PEF1: variants seen among roughly 807,000 people sequenced by gnomAD.
PEF1 encodes the protein peflin.
Under a neutral mutation model 32.0 loss-of-function variants are expected in PEF1, and 17 were observed. The observed-to-expected ratio is 0.53, with a 90% CI of 0.36 to 0.80. The LOEUF (loss-of-function observed/expected upper bound fraction) is 0.80, where lower values mean the gene tolerates loss of function less well. PEF1 is among the 30% of genes least tolerant of loss of function. The probability of loss-of-function intolerance (pLI) is 0.00; values close to 1 mark genes in which losing one functional copy is unlikely to be tolerated. For synonymous variants in PEF1, 130 were observed against 139.8 expected (o/e 0.93, Z 0.50); for missense variants, 362 against 369.1 (o/e 0.98, Z 0.16).
intron 1 of PEF1, 195 bp downstream of exon 1, chr1:31,644,645 CG>C: frequency 6.9e-7 from 1 of 1,441,908 alleles, no homozygotes; most frequent in African/African-American, 1.4e-5. Context: ...GACACGACCT[CG>C]CGAATGTGCG....
Position 31,635,457 on chromosome 1 carries a change from G to T in PEF1, c.90C>A (p.Pro30=), listed in dbSNP as rs753802931. The T allele has an allele frequency of 1.3e-6, 2 of 1,592,480 alleles. No homozygotes were observed. The highest frequency in any genetic ancestry group is 1.7e-6 in the Non-Finnish European group (2 of 1,167,400). The change falls in exon 2 of 5, where the codon CCC becomes CCA. Residue 30 remains proline, a synonymous_variant. Coordinates refer to ENST00000373703, the MANE Select transcript of PEF1 (RefSeq NM_012392.4). ...CACTACCATACTGCCCTCCACTATT[G>T]GGGGGTCCAGGGTAGTAGCTACCCG... The part of the protein sequence containing the change: ...APPGSYYPGP[P]NSGGQYGSGL...
At chr1:31,640,734 C>G (rs1441425282) in intron 1 of PEF1, among the ~76,000 whole-genome samples, 1 of 152,172 alleles carries the variant, frequency 6.6e-6, no homozygotes, top group Admixed American at 6.5e-5. Context: ...CTTACCTCCT[C>G]CCAAATAACC....
In PEF1 at chr1:31,633,299, T is replaced by A; in HGVS notation, c.341A>T (p.Asn114Ile). The stretch of plus-strand genomic sequence containing the variant: ...CCAGGAGTAGGCCTCAGGATCCACA[T>A]TGGGAGGGGCGCCACCTGGAGGAAG... ...GLYGQGGAPP[N>I]VDPEAYSWFQ... The change falls in exon 3 of 5, where the codon AAT (asparagine) becomes ATT (isoleucine). Residue 114 changes from asparagine to isoleucine, a missense_variant. Coordinates refer to ENST00000373703, the MANE Select transcript of PEF1 (RefSeq NM_012392.4). 1 of 1,612,200 alleles carries A rather than the reference T, an allele frequency of 6.2e-7. No individual in the cohort carries two copies.
At chr1:31,640,066 G>A (rs1357224060) in intron 1 of PEF1, among the ~76,000 whole-genome samples, 1 of 152,190 alleles carries the variant, frequency 6.6e-6, no homozygotes, top group Non-Finnish European at 1.5e-5. Context: ...CAGGTGGAGG[G>A]GAAGGACAGG....
chr1:31,644,207 G>T lies in PEF1; in HGVS notation c.24+634C>A, dbSNP rs185556183. ...AGAATCACCTTGCTGCGGTATTCCTGACTGAATCAAGATACGCTGGGGAAG... is the reference window on the plus strand; with the variant it reads ...AGAATCACCTTGCTGCGGTATTCCTTACTGAATCAAGATACGCTGGGGAAG... On this transcript the variant is annotated intron_variant, in intron 1 of 4. Coordinates refer to ENST00000373703, the MANE Select transcript of PEF1 (RefSeq NM_012392.4). 22 of 200,516 alleles carry T rather than the reference G, an allele frequency of 1.1e-4. No homozygotes were observed. The East Asian group carries it at 4.1e-3, about 37-fold the overall frequency. 12.4% of individuals were successfully genotyped at this position (200,516 alleles called of 1,614,324 possible). A position where few individuals can be genotyped will look rare whatever the true frequency, so the allele number is the denominator to read the frequency against.
chr1:31,631,767 T>C (rs1409516599), intron 4 of PEF1, among the ~76,000 whole-genome samples: 2 of 152,204 alleles, frequency 1.3e-5, no homozygotes, highest in Non-Finnish European at 2.9e-5. Flanking sequence ...GTGATTACTA[T>C]AGGTCATCTC....
rs1304995947 is a variant in PEF1 at position 31,630,372 on chromosome 1, A to G, written c.*241T>C. 3.9e-5 allele frequency: 21 copies of G among 535,338 alleles called. No homozygotes were observed. The highest frequency in any genetic ancestry group is 5.1e-4 in the Middle Eastern group (1 of 1,966). The allele number at this position is 535,338 out of a possible 1,614,324, so 33.2% of individuals were successfully genotyped here. ...TGCCACTCAACTGCTCATGGCCATC[A>G]GGACATTCAACTTCTATCCTCTCCT... On this transcript the variant is annotated 3_prime_UTR_variant, in exon 5 of 5. Coordinates refer to ENST00000373703, the MANE Select transcript of PEF1 (RefSeq NM_012392.4).
intron 1 of PEF1, among the ~76,000 whole-genome samples, chr1:31,638,543 G>C (rs911235253): frequency 6.6e-6 from 1 of 152,158 alleles, no homozygotes; most frequent in Non-Finnish European, 1.5e-5. Flanking sequence ...CTGGCACCTA[G>C]GAAAACCCAC....
chr1:31,639,330 A>G (rs1640335438), intron 1 of PEF1, among the ~76,000 whole-genome samples: 1 of 152,200 alleles, frequency 6.6e-6, no homozygotes, highest in African/African-American at 2.4e-5. Context: ...GTGAGGTATC[A>G]GTGTCTAAGA....
At chr1:31,632,456 G>A in intron 4 of PEF1, 39 bp downstream of exon 4, 1 of 1,614,166 alleles carries the variant, frequency 6.2e-7, no homozygotes, top group Non-Finnish European at 8.5e-7. Flanking sequence ...GAAGAGTCTA[G>A]CTCTGTCCTG....
intron 2 of PEF1, 199 bp downstream of exon 2, chr1:31,635,023 T>C (rs567876622): frequency 7.7e-5 from 59 of 767,792 alleles, no homozygotes; most frequent in African/African-American, 7.4e-4. Context: ...AAAGTAAGCA[T>C]GAGCAAGCAA....
chr1:31,643,133 C>T (rs1014080356), intron 1 of PEF1, among the ~76,000 whole-genome samples: 2 of 152,202 alleles, frequency 1.3e-5, no homozygotes, highest in African/African-American at 4.8e-5. Flanking sequence ...TTTTTTCAGC[C>T]TGTGTTCCTC....
chr1:31,644,438 C>G, intron 1 of PEF1: 1 of 1,121,122 alleles, frequency 8.9e-7, no homozygotes, highest in Non-Finnish European at 1.1e-6. Context: ...TGGGGTGGGT[C>G]CGGAAGCCTG....
Position 31,632,644 on chromosome 1 carries a change from G to A in PEF1, c.482-6C>T, listed in dbSNP as rs778537313. The A allele has an allele frequency of 1.2e-5, 19 of 1,612,822 alleles. No homozygotes were observed. The highest frequency in any genetic ancestry group is 1.7e-5 in the Admixed American group (1 of 60,024). ...CTTGGTCTTGTCAAACATGTCTGAA[G>A]GTGAGGAGGGAAAGGAGGGGAGGAA... On this transcript the variant is annotated splice_region_variant and splice_polypyrimidine_tract_variant and intron_variant, in intron 3 of 4. Transcript: ENST00000373703.
At position 31,630,608 on chromosome 1, in the gene PEF1, T is replaced by C; in HGVS notation, c.*5A>G. 2.5e-6 allele frequency: 4 copies of C among 1,611,850 alleles called. No individual in the cohort carries two copies. The highest frequency in any genetic ancestry group is 1.1e-5 in the South Asian group (1 of 90,948). ...GGTGCACTCCACTCTCCACAGATGG[T>C]TGGGTCATAGCATCCGAGAAGCTGT... On this transcript the variant is annotated 3_prime_UTR_variant, in exon 5 of 5. Transcript: ENST00000373703.
chr1:31,643,072 G>T (rs780042137), intron 1 of PEF1, among the ~76,000 whole-genome samples: 1 of 152,196 alleles, frequency 6.6e-6, no homozygotes, highest in Non-Finnish European at 1.5e-5. Flanking sequence ...CAAGCTCTCA[G>T]CTGATTCTGA....
At chr1:31,641,454 A>C (rs1313962285) in intron 1 of PEF1, among the ~76,000 whole-genome samples, 2 of 152,164 alleles carry the variant, frequency 1.3e-5, no homozygotes, top group African/African-American at 4.8e-5. Context: ...CTTAGGATGA[A>C]GTCACACTCC....
At position 31,635,327 on chromosome 1, in the gene PEF1, A is replaced by G; in HGVS notation, c.220T>C (p.Ser74Pro). 6.2e-7 allele frequency: 1 copy of G among 1,614,080 alleles called. No homozygotes were observed. The highest frequency in any genetic ancestry group is 8.5e-7 in the Non-Finnish European group (1 of 1,179,994). ...CCATATGGTCCTCCTGGAGTTCCAG[A>G]GGGGAACATCCCAGGATTGGGGTGT... is the stretch of plus-strand genomic sequence containing the variant. ...YGHPNPGMFP[S>P]GTPGGPYGGA... The change falls in exon 2 of 5, where the codon TCT becomes CCT. Residue 74 changes from serine to proline, a missense_variant. Transcript: ENST00000373703.
chr1:31,631,330 T>C (rs1481756604), intron 4 of PEF1, among the ~76,000 whole-genome samples: 1 of 152,186 alleles, frequency 6.6e-6, no homozygotes, highest in Non-Finnish European at 1.5e-5. Flanking sequence ...TAGGTTCTAG[T>C]AAGGATTAAA....
Sources: gnomAD v4.1 joint callset for allele counts (sites outside exome capture counted in the v4.1 genomes callset) on GRCh38, gnomAD v4.1.1 for gene constraint, MANE v1.5 for transcripts, NCBI Gene and HGNC (gene_info 2026-07-23, HGNC 2026-07-21) for gene names.